Variants in AKAP13 observed in about 807,000 individuals in gnomAD.
AKAP13 encodes A-kinase anchor protein 13.
Under a neutral mutation model 264.5 loss-of-function variants are expected in AKAP13, and 80 were observed. The ratio of observed to expected loss-of-function variants is 0.30; its 90% confidence interval spans 0.25 to 0.36. AKAP13 has a LOEUF of 0.36. AKAP13 is among the 10% of genes least tolerant of loss of function. AKAP13 has a pLI of 1.00. For synonymous variants in AKAP13, 1,380 were observed against 1,250.2 expected (o/e 1.10, Z -2.19); for missense variants, 3,712 against 3,435.2 (o/e 1.08, Z -2.01).
rs370192103 is a variant in AKAP13 at position 85,463,011 on chromosome 15, G to A, written c.-11-22699G>A. On this transcript the variant is annotated intron_variant, in intron 1 of 36. Coordinates refer to ENST00000394518, the MANE Select transcript of AKAP13 (RefSeq NM_007200.5). ...TGCACTCCAGCCTGGGCGACAGAGCGAGACTCCGTCTCAAAAAAAAAAAAA... is the reference window on the plus strand; with the variant it reads ...TGCACTCCAGCCTGGGCGACAGAGCAAGACTCCGTCTCAAAAAAAAAAAAA... Among the ~76,000 whole-genome samples, 139 of 108,144 alleles carry A rather than the reference G, an allele frequency of 1.3e-3. 3 individuals carry two copies. In the East Asian group the frequency reaches 0.027, roughly 21 times the overall value. The allele number at this position is 108,144 out of a possible 152,430, so 70.9% of individuals were successfully genotyped here.
intron 8 of AKAP13, among the ~76,000 whole-genome samples, chr15:85,632,140 A>G (rs968778594): frequency 6.6e-6 from 1 of 152,186 alleles, no homozygotes; most frequent in African/African-American, 2.4e-5. Context: ...ACATCCTGAC[A>G]CAGTTTCATG....
At chr15:85,415,023 T>C (rs539626831) in intron 1 of AKAP13, among the ~76,000 whole-genome samples, 1 of 152,326 alleles carries the variant, frequency 6.6e-6, no homozygotes, top group South Asian at 2.1e-4. Context: ...GGGTTTTCTA[T>C]GTTGGAGTGG....
At chr15:85,735,244 C>G (rs1440438104) in intron 31 of AKAP13, 94 bp downstream of exon 31, 3 of 1,489,228 alleles carry the variant, frequency 2.0e-6, no homozygotes, top group African/African-American at 1.4e-5. Flanking sequence ...CATCACCGCT[C>G]CCAATCAGCA....
rs777709932 is a variant in AKAP13 at position 85,579,789 on chromosome 15, G to A, written c.1721G>A (p.Arg574His). The change falls in exon 7 of 37, where the codon CGT becomes CAT. Residue 574 changes from arginine (R) to histidine (H), a missense_variant. By Grantham distance (29) the Arg-to-His change is conservative. Transcript: ENST00000394518. Reference sequence around the variant, plus strand: ...GCAGAAACGGAAACTTCACGAAGTCGTGAGGAGAGTGCTGATGCTCCAGTA... The same window carrying A: ...GCAGAAACGGAAACTTCACGAAGTCATGAGGAGAGTGCTGATGCTCCAGTA... ...KTAETETSRS[R>H]EESADAPVDQ... The A allele has an allele frequency of 1.4e-5, 23 of 1,614,072 alleles. No homozygotes were observed. The highest frequency in any genetic ancestry group is 1.5e-5 in the Non-Finnish European group (18 of 1,180,044).
chr15:85,547,050 A>G (rs2077777302), intron 5 of AKAP13, among the ~76,000 whole-genome samples: 1 of 152,164 alleles, frequency 6.6e-6, no homozygotes, highest in South Asian at 2.1e-4. Context: ...CCATGATGCT[A>G]TCTTTCTAAT....
chr15:85,382,602 T>C (rs2070341897), intron 1 of AKAP13, among the ~76,000 whole-genome samples: 1 of 152,192 alleles, frequency 6.6e-6, no homozygotes. Context: ...TTGCTTTCCT[T>C]CTCTGGGCGG....
rs762202374 is a variant in AKAP13 at position 85,580,143 on chromosome 15, G to A, written c.2075G>A (p.Ser692Asn). 1.2e-6 allele frequency: 2 copies of A among 1,614,180 alleles called. No homozygotes were observed. Among genetic ancestry groups the A allele is most frequent in the Admixed American group, 1.7e-5 (1 of 60,024 alleles). ...LCDNIVSESE[S>N]TTARQPSSQD... ...GATAACATAGTTAGCGAGTCCGAAA[G>A]CACCACAGCAAGGCAACCCAGCTCA... is the stretch of plus-strand genomic sequence containing the variant. The change falls in exon 7 of 37, where the codon AGC becomes AAC. Residue 692 changes from serine (S) to asparagine (N), a missense_variant. Physicochemically the swap from Ser to Asn is conservative, Grantham distance 46. This residue lies in a region of AKAP13 where 2,759 missense variants were observed against 2,411.7 expected (regional missense o/e 1.14). Coordinates refer to ENST00000394518, the MANE Select transcript of AKAP13 (RefSeq NM_007200.5).
intron 1 of AKAP13, among the ~76,000 whole-genome samples, chr15:85,451,716 G>T (rs1355229471): frequency 6.6e-6 from 1 of 152,194 alleles, no homozygotes; most frequent in African/African-American, 2.4e-5. Context: ...GGCTTGTAGG[G>T]TTTCTGCTGA....
intron 10 of AKAP13, among the ~76,000 whole-genome samples, chr15:85,653,446 A>G (rs1403600436): frequency 1.3e-5 from 2 of 152,218 alleles, no homozygotes; most frequent in Non-Finnish European, 2.9e-5. Context: ...CATTACTTAA[A>G]AAACAATCTA....
intron 3 of AKAP13, among the ~76,000 whole-genome samples, chr15:85,531,447 A>G (rs1053999226): frequency 3.9e-5 from 6 of 152,216 alleles, no homozygotes; most frequent in African/African-American, 1.4e-4. Flanking sequence ...TAGCTCTTGA[A>G]CAAAACTGAG....
intron 33 of AKAP13, among the ~76,000 whole-genome samples, chr15:85,739,061 A>G (rs1313957571): frequency 6.6e-6 from 1 of 152,200 alleles, no homozygotes; most frequent in African/African-American, 2.4e-5. Context: ...GCACAGCTTC[A>G]TCTTATTGTG....
At position 85,444,132 on chromosome 15, in the gene AKAP13, T is replaced by G. The variant is rs116638807; in HGVS notation, c.-11-41578T>G. Among the ~76,000 whole-genome samples the G allele has an allele frequency of 7.7e-3, 1,172 of 152,292 alleles. 16 individuals carry two copies. The highest frequency in any genetic ancestry group is 0.027 in the African/African-American group (1,115 of 41,548). On this transcript the variant is annotated intron_variant, in intron 1 of 36. Transcript: ENST00000394518. ...CAGTTTGAAGCAGACTTCTTTATAT[T>G]AATCCACTCTATTAATTGCTAAATT...
intron 8 of AKAP13, among the ~76,000 whole-genome samples, chr15:85,616,191 C>T (rs1287483831): frequency 1.3e-5 from 2 of 152,168 alleles, no homozygotes; most frequent in East Asian, 1.9e-4. Flanking sequence ...TCTTCAGCAT[C>T]CCCCACTAGG....
intron 5 of AKAP13, among the ~76,000 whole-genome samples, chr15:85,551,592 C>G (rs541207888): frequency 6.6e-6 from 1 of 152,314 alleles, no homozygotes; most frequent in South Asian, 2.1e-4. Flanking sequence ...TTTCTATAAA[C>G]TTCTTTTCTC....
intron 30 of AKAP13, among the ~76,000 whole-genome samples, chr15:85,731,435 T>C (rs1297970255): frequency 2.0e-5 from 3 of 152,220 alleles, no homozygotes. Flanking sequence ...ATCTTTTTTT[T>C]TCCATATAAT....
At chr15:85,538,142 T>G (rs549951313) in intron 4 of AKAP13, among the ~76,000 whole-genome samples, 1 of 152,270 alleles carries the variant, frequency 6.6e-6, no homozygotes, top group South Asian at 2.1e-4. Context: ...TGAGAGACCC[T>G]TGTGCAGTAG....
At chr15:85,619,032 C>A (rs960960360) in intron 8 of AKAP13, among the ~76,000 whole-genome samples, 18 of 152,096 alleles carry the variant, frequency 1.2e-4, no homozygotes, top group Non-Finnish European at 2.4e-4. Context: ...CACGACAAGT[C>A]CATTGTACAC....
chr15:85,391,372 C>T (rs1001309970), intron 1 of AKAP13, among the ~76,000 whole-genome samples: 15 of 152,104 alleles, frequency 9.9e-5, no homozygotes, highest in African/African-American at 3.6e-4. Context: ...GAATGTACTT[C>T]ACATACACAT....
intron 1 of AKAP13, among the ~76,000 whole-genome samples, chr15:85,476,065 G>A (rs2075153804): frequency 6.6e-6 from 1 of 152,150 alleles, no homozygotes; most frequent in African/African-American, 2.4e-5. Context: ...CTGATAGTGT[G>A]GGTTAGATTA....
Sources: allele counts gnomAD v4.1 joint callset (sites outside exome capture counted in the v4.1 genomes callset), GRCh38; gene constraint gnomAD v4.1.1; regional missense constraint gnomAD v4.1.1; transcripts MANE v1.5; gene names NCBI Gene and HGNC (gene_info 2026-07-23, HGNC 2026-07-21).